The following SAMD5 variants were observed in gnomAD, a reference collection of about 807,000 sequenced individuals.
The protein encoded by SAMD5 is sterile alpha motif domain-containing protein 5.
SAMD5 carries 13 observed loss-of-function variants against 11.3 expected under a neutral mutation model. The observed-to-expected ratio is 1.15, with a 90% CI of 0.75 to 1.83. The LOEUF (loss-of-function observed/expected upper bound fraction) is 1.83, where lower values mean the gene tolerates loss of function less well. Among genes scored for constraint, SAMD5 ranks in the 40% most tolerant of loss-of-function variants. The probability of loss-of-function intolerance (pLI) is 0.00; values close to 1 mark genes in which losing one functional copy is unlikely to be tolerated. For missense variants in SAMD5, 255 were observed against 239.1 expected (o/e 1.07, Z -0.44); for synonymous variants, 129 against 111.3 (o/e 1.16, Z -1.00).
chr6:147,737,217 G>A, intron 1 of SAMD5: 6 of 445,302 alleles, frequency 1.3e-5, no homozygotes, highest in South Asian at 3.3e-5. Context: ...TCCCATCCTC[G>A]GGAAGGGTGA....
intron 1 of SAMD5, among the ~76,000 whole-genome samples, chr6:147,631,884 G>A (rs1392469859): frequency 6.6e-6 from 1 of 152,122 alleles, no homozygotes; most frequent in Non-Finnish European, 1.5e-5. Context: ...TTTCCATGAT[G>A]GAAAGGAAAT....
At chr6:147,576,277 A>T (rs911180105) in intron 1 of SAMD5, among the ~76,000 whole-genome samples, 9 of 151,778 alleles carry the variant, frequency 5.9e-5, no homozygotes, top group Non-Finnish European at 1.3e-4. Flanking sequence ...AGTAGCTGGG[A>T]TTACAGGCGT....
intron 1 of SAMD5, among the ~76,000 whole-genome samples, chr6:147,549,388 A>G (rs1367035098): frequency 6.6e-6 from 1 of 152,200 alleles, no homozygotes; most frequent in Non-Finnish European, 1.5e-5. Flanking sequence ...GTGGGAACTG[A>G]CTGGCACTCA....
the SAMD5 span, among the ~76,000 whole-genome samples, chr6:147,910,184 C>T: frequency 1.3e-5 from 2 of 151,836 alleles, no homozygotes; most frequent in African/African-American, 4.8e-5. Context: ...ACAGATATTC[C>T]CCTCAAATAG....
chr6:147,573,851 A>G (rs844630), downstream of SAMD5, among the ~76,000 whole-genome samples: 10,612 of 152,264 alleles, frequency 0.07, 611 homozygotes, highest in African/African-American at 0.16. Context: ...ATTGCCAGGC[A>G]CGGTGGCTCA....
At chr6:147,695,792 TAC>T (rs1791166588) in intron 1 of SAMD5, among the ~76,000 whole-genome samples, 1 of 152,174 alleles carries the variant, frequency 6.6e-6, no homozygotes, top group Non-Finnish European at 1.5e-5. Flanking sequence ...GCAGAGACAT[TAC>T]TAAGACTTTG....
the SAMD5 span, among the ~76,000 whole-genome samples, chr6:147,826,785 G>A: frequency 6.6e-6 from 1 of 152,134 alleles, no homozygotes; most frequent in African/African-American, 2.4e-5. Context: ...TCATCATTGT[G>A]GTGTTATTAT....
the SAMD5 span, among the ~76,000 whole-genome samples, chr6:147,816,301 A>AATATATATATATATATAT: frequency 3.3e-4 from 22 of 66,332 alleles, no homozygotes; most frequent in African/African-American, 1.3e-3. Flanking sequence ...AAAAAAAAAA[A>AATATATATATATATATAT]ATATATATAT....
At chr6:147,946,916 A>T in the SAMD5 span, among the ~76,000 whole-genome samples, 6 of 152,352 alleles carry the variant, frequency 3.9e-5, no homozygotes, top group Middle Eastern at 3.4e-3. Context: ...ACCTAATTTC[A>T]TGATTACTTA....
At chr6:147,649,408 A>G (rs949399772) in intron 1 of SAMD5, among the ~76,000 whole-genome samples, 1 of 152,182 alleles carries the variant, frequency 6.6e-6, no homozygotes, top group Admixed American at 6.5e-5. Context: ...ATTCACATGA[A>G]ATGAATTATA....
At chr6:147,905,477 G>T in the SAMD5 span, among the ~76,000 whole-genome samples, 4 of 152,122 alleles carry the variant, frequency 2.6e-5, no homozygotes, top group African/African-American at 7.2e-5. Flanking sequence ...TGCTGCACCC[G>T]GCCTATGCCT....
the SAMD5 span, among the ~76,000 whole-genome samples, chr6:147,939,335 C>T: frequency 6.6e-6 from 1 of 152,264 alleles, no homozygotes; most frequent in African/African-American, 2.4e-5. Context: ...GACTCAGTCT[C>T]TAGCCCCCTC....
intron 1 of SAMD5, among the ~76,000 whole-genome samples, chr6:147,614,293 C>A (rs1388215334): frequency 6.6e-6 from 1 of 151,480 alleles, no homozygotes; most frequent in East Asian, 1.9e-4. Context: ...CATGGTGAAA[C>A]CCTGTCTCTA....
intron 1 of SAMD5, among the ~76,000 whole-genome samples, chr6:147,675,651 G>C (rs762674184): frequency 3.3e-5 from 5 of 152,140 alleles, no homozygotes; most frequent in Middle Eastern, 3.2e-3. Flanking sequence ...ATGTCATTAA[G>C]GCCTCACTCT....
chr6:147,754,269 T>A, the SAMD5 span, among the ~76,000 whole-genome samples: 1 of 152,166 alleles, frequency 6.6e-6, no homozygotes, highest in Non-Finnish European at 1.5e-5. Flanking sequence ...GATACCTCAT[T>A]GTAGTTTTGA....
At chr6:147,944,883 G>A in the SAMD5 span, among the ~76,000 whole-genome samples, 454 of 152,254 alleles carry the variant, frequency 3.0e-3, 4 homozygotes, top group African/African-American at 0.011. Flanking sequence ...AGCAGGCCTT[G>A]GCATTCCTTG....
Position 147,568,067 on chromosome 6 carries a change from T to A in SAMD5, c.*3611T>A. ...CAGCTTCAGATTGATGAATTTGAGG[T>A]ACAAATGAGTGAGTGACATATGTAT... On this transcript the variant is annotated 3_prime_UTR_variant, in exon 2 of 2. Coordinates refer to ENST00000367474, the MANE Select transcript of SAMD5 (RefSeq NM_001030060.3). The A allele has an allele frequency of 1.0e-6, 1 of 985,316 alleles. No homozygotes were observed. The highest frequency in any genetic ancestry group is 1.2e-6 in the Non-Finnish European group (1 of 829,838). The allele number at this position is 985,316 out of a possible 1,614,324, so 61.0% of individuals were successfully genotyped here.
intron 1 of SAMD5, among the ~76,000 whole-genome samples, chr6:147,614,517 G>A (rs1318881200): frequency 6.6e-6 from 1 of 151,728 alleles, no homozygotes; most frequent in Non-Finnish European, 1.5e-5. Flanking sequence ...ATTGATACAT[G>A]CAACAACGTG....
At chr6:147,886,558 A>T in the SAMD5 span, among the ~76,000 whole-genome samples, 1 of 152,028 alleles carries the variant, frequency 6.6e-6, no homozygotes. Context: ...AACCAACGGA[A>T]TAGGGCAAAG....
Sources: gnomAD v4.1 joint callset for allele counts (sites outside exome capture counted in the v4.1 genomes callset) on GRCh38, gnomAD v4.1.1 for gene constraint, MANE v1.5 for transcripts, NCBI Gene and HGNC (gene_info 2026-07-23, HGNC 2026-07-21) for gene names.